SEPTIN14: variants seen among roughly 807,000 people sequenced by gnomAD.
SEPTIN14 encodes the protein septin-14.
SEPTIN14 carries 40 observed loss-of-function variants against 53.6 expected under a neutral mutation model. The ratio of observed to expected loss-of-function variants is 0.75; its 90% CI spans 0.58 to 0.97. The LOEUF is 0.97. Among genes scored for constraint, SEPTIN14 ranks in the 50% least tolerant of loss-of-function variants. The pLI, the probability that SEPTIN14 is intolerant of heterozygous loss-of-function variation, is 0.00. For synonymous variants in SEPTIN14, 138 were observed against 166.8 expected (o/e 0.83, Z 1.33); for missense variants, 471 against 508.2 (o/e 0.93, Z 0.70).
At chr7:55,807,324 A>G in intron 7 of SEPTIN14, 66 bp from the exon 8 acceptor site, 1 of 969,678 alleles carries the variant, frequency 1.0e-6, no homozygotes, top group South Asian at 1.7e-5. Flanking sequence ...GTAAGTGTTC[A>G]TGAATGAATA....
intron 6 of SEPTIN14, among the ~76,000 whole-genome samples, chr7:55,831,665 A>G (rs1000585565): frequency 2.0e-5 from 3 of 152,228 alleles, no homozygotes; most frequent in Non-Finnish European, 4.4e-5. Flanking sequence ...AATAATCAAC[A>G]GAGTAAACAG....
chr7:55,845,479 C>G (rs1789386853), intron 3 of SEPTIN14, among the ~76,000 whole-genome samples: 1 of 152,090 alleles, frequency 6.6e-6, no homozygotes, highest in African/African-American at 2.4e-5. Context: ...GTTTTGAGAT[C>G]TATTGCACAG....
intron 5 of SEPTIN14, among the ~76,000 whole-genome samples, chr7:55,841,146 T>G (rs1010338485): frequency 2.3e-4 from 35 of 151,994 alleles, no homozygotes; most frequent in African/African-American, 8.2e-4. Context: ...TGATCTCAGG[T>G]GATCTGCCCA....
chr7:55,811,847 G>T lies in SEPTIN14; in HGVS notation c.818-4589C>A, dbSNP rs186596903. 2.7e-3 allele frequency among the ~76,000 whole-genome samples: 404 copies of T among 150,874 alleles called. 4 individuals carry two copies. Among genetic ancestry groups the T allele is most frequent in the Middle Eastern group, 0.011 (3 of 284 alleles). ...CTCGCTCTGTCACTCAGGCTGGAGT[G>T]CAGTGGTGCAATCTCGGCTCACTGC... is the stretch of plus-strand genomic sequence containing the variant. On this transcript the variant is annotated intron_variant, in intron 7 of 9. Transcript: ENST00000388975.
intron 7 of SEPTIN14, among the ~76,000 whole-genome samples, chr7:55,814,054 TGGGAGAAAGTGAGAAAAGAGTTTGA>T (rs969956761): frequency 3.3e-5 from 5 of 152,134 alleles, no homozygotes; most frequent in Admixed American, 3.3e-4. Context: ...TCCTTCTGTT[TGGGAGAAAGTGAGAAAAGAGTTTGA>T]GAGATTCTGC....
At chr7:55,857,957 T>C (rs1466870534) in intron 2 of SEPTIN14, among the ~76,000 whole-genome samples, 1 of 152,072 alleles carries the variant, frequency 6.6e-6, no homozygotes, top group Non-Finnish European at 1.5e-5. Context: ...TGAACTCAAC[T>C]AGACATTCAG....
intron 2 of SEPTIN14, among the ~76,000 whole-genome samples, chr7:55,854,380 T>C (rs184298609): frequency 5.9e-5 from 9 of 152,274 alleles, no homozygotes; most frequent in Admixed American, 1.3e-4. Context: ...CTTCACAAGA[T>C]TGAAAATAAA....
intron 5 of SEPTIN14, among the ~76,000 whole-genome samples, chr7:55,839,753 T>TC (rs1291243880): frequency 1.3e-5 from 2 of 151,952 alleles, no homozygotes; most frequent in African/African-American, 4.8e-5. Context: ...GTGAGTTGTC[T>TC]CCCCCAGCAA....
intron 5 of SEPTIN14, among the ~76,000 whole-genome samples, chr7:55,834,858 G>T (rs1333515562): frequency 6.6e-6 from 1 of 152,102 alleles, no homozygotes; most frequent in East Asian, 1.9e-4. Flanking sequence ...TGTTAGCCAG[G>T]ATGGTCTCAA....
At chr7:55,806,252 C>T (rs1788607834) in intron 8 of SEPTIN14, among the ~76,000 whole-genome samples, 1 of 151,990 alleles carries the variant, frequency 6.6e-6, no homozygotes, top group Non-Finnish European at 1.5e-5. Flanking sequence ...CTGCCTGTCT[C>T]GGTTTCCCAA....
intron 2 of SEPTIN14, among the ~76,000 whole-genome samples, chr7:55,853,095 T>A (rs933016459): frequency 6.6e-6 from 1 of 152,134 alleles, no homozygotes; most frequent in Non-Finnish European, 1.5e-5. Context: ...TTGGTGCAAA[T>A]GTGAATTAGT....
chr7:55,859,100 G>C (rs1789698419), intron 2 of SEPTIN14, among the ~76,000 whole-genome samples: 2 of 150,750 alleles, frequency 1.3e-5, no homozygotes, highest in African/African-American at 4.9e-5. Context: ...GCAGTGAGCA[G>C]AGATAGCGCC....
At chr7:55,805,730 A>G (rs908873597) in intron 8 of SEPTIN14, among the ~76,000 whole-genome samples, 2 of 152,180 alleles carry the variant, frequency 1.3e-5, no homozygotes, top group African/African-American at 4.8e-5. Context: ...TGTAAAGAAT[A>G]CTAGAATTTT....
chr7:55,808,146 G>A (rs1290970087), intron 7 of SEPTIN14, among the ~76,000 whole-genome samples: 8 of 152,082 alleles, frequency 5.3e-5, no homozygotes, highest in Non-Finnish European at 1.0e-4. Context: ...CTACACTTTA[G>A]ACCAAATAGA....
chr7:55,849,845 A>G (rs1430376110), intron 2 of SEPTIN14, among the ~76,000 whole-genome samples: 1 of 152,236 alleles, frequency 6.6e-6, no homozygotes, highest in East Asian at 1.9e-4. Context: ...TAACAAAATT[A>G]GACTACTGTG....
chr7:55,795,674 G>T lies in SEPTIN14; in HGVS notation c.*239C>A. On this transcript the variant is annotated 3_prime_UTR_variant, in exon 10 of 10. Coordinates refer to ENST00000388975, the MANE Select transcript of SEPTIN14 (RefSeq NM_207366.3). ...GTAGAGGCAGGGTTTCATCATTTTGGTCAGGCTGGTTTTGAACTCCTGACC... is the reference window on the plus strand; with the variant it reads ...GTAGAGGCAGGGTTTCATCATTTTGTTCAGGCTGGTTTTGAACTCCTGACC... 2.1e-6 allele frequency: 1 copy of T among 468,352 alleles called. No individual in the cohort carries two copies. Among genetic ancestry groups the T allele is most frequent in the Non-Finnish European group, 3.8e-6 (1 of 261,860 alleles). The allele number at this position is 468,352 out of a possible 1,614,324, so 29.0% of individuals were successfully genotyped here.
At position 55,797,383 on chromosome 7, in the gene SEPTIN14, A is replaced by AT. The variant is rs532298504; in HGVS notation, c.1120-1292dup. ...ATAATCAAATAGTCAAAAGTCAAAG[A>AT]TTTTTTAAAATGTTGAAGAGGCAAG... On this transcript the variant is annotated intron_variant, in intron 9 of 9. Coordinates refer to ENST00000388975, the MANE Select transcript of SEPTIN14 (RefSeq NM_207366.3). Among the ~76,000 whole-genome samples, 47 of 152,320 alleles carry AT rather than the reference A, an allele frequency of 3.1e-4. No individual in the cohort carries two copies. In the South Asian group the frequency reaches 9.1e-3, roughly 30 times the overall value.
intron 6 of SEPTIN14, among the ~76,000 whole-genome samples, chr7:55,820,474 T>A (rs1451170354): frequency 6.6e-6 from 1 of 152,146 alleles, no homozygotes; most frequent in South Asian, 2.1e-4. Context: ...GTGTTTCAGA[T>A]CCTTCACAAA....
chr7:55,812,977 T>C (rs1196312563), intron 7 of SEPTIN14, among the ~76,000 whole-genome samples: 1 of 149,748 alleles, frequency 6.7e-6, no homozygotes, highest in Admixed American at 6.7e-5. Context: ...TTAGATGGAG[T>C]CTCGCTCTTT....
Sources: gnomAD v4.1 joint callset for allele counts (sites outside exome capture counted in the v4.1 genomes callset) on GRCh38, gnomAD v4.1.1 for gene constraint, MANE v1.5 for transcripts, NCBI Gene and HGNC (gene_info 2026-07-23, HGNC 2026-07-21) for gene names.